Variants in SIK3 observed in about 807,000 individuals in gnomAD.
SIK3 encodes the protein SIK family kinase 3.
A neutral mutation model predicts 144.2 loss-of-function variants in SIK3; 28 were observed. The observed-to-expected ratio is 0.19, with a 90% CI of 0.14 to 0.27. SIK3 has a LOEUF of 0.27. Ranked by LOEUF, SIK3 falls within the 10% of genes least tolerant of loss-of-function variation. SIK3 has a pLI of 1.00. For synonymous variants in SIK3, 686 were observed against 676.3 expected (o/e 1.01, Z -0.22); for missense variants, 1,319 against 1,776.0 (o/e 0.74, Z 4.62).
intron 1 of SIK3, among the ~76,000 whole-genome samples, chr11:117,029,595 G>A (rs1431733866): frequency 1.3e-5 from 2 of 152,124 alleles, no homozygotes; most frequent in Non-Finnish European, 2.9e-5. Flanking sequence ...CTAAATTAAG[G>A]CAGTGGAAAG....
At position 116,846,976 on chromosome 11, in the gene SIK3, G is replaced by A. The variant is rs1224969880; in HGVS notation, c.3953-423C>T. Among the ~76,000 whole-genome samples, 3 of 152,154 alleles carry A rather than the reference G, an allele frequency of 2.0e-5. No individual in the cohort carries two copies. Among genetic ancestry groups the A allele is most frequent in the African/African-American group, 4.8e-5 (2 of 41,422 alleles). On this transcript the variant is annotated intron_variant, in intron 23 of 24. Coordinates refer to ENST00000445177, the MANE Select transcript of SIK3 (RefSeq NM_001366686.3). The surrounding 1 kb of genome is among the most constrained non-coding windows in gnomAD (Gnocchi z 4.1). ...TACTCACTAAGCCAGCCAGCCCTCA[G>A]GGCACAATGTAGGATAAAGGCTCTA...
At chr11:116,882,167 G>A (rs1000474301) in intron 6 of SIK3, among the ~76,000 whole-genome samples, 13 of 152,104 alleles carry the variant, frequency 8.5e-5, no homozygotes, top group Admixed American at 7.2e-4. Flanking sequence ...AATAGATGGT[G>A]CAAAGACCAA....
intron 1 of SIK3, among the ~76,000 whole-genome samples, chr11:116,979,618 G>A (rs1950071506): frequency 6.6e-6 from 1 of 152,142 alleles, no homozygotes; most frequent in Non-Finnish European, 1.5e-5. Flanking sequence ...AGGCCAAGGT[G>A]GGCAGATCAC....
chr11:117,003,214 C>T (rs1950919653), intron 1 of SIK3, among the ~76,000 whole-genome samples: 2 of 152,224 alleles, frequency 1.3e-5, no homozygotes, highest in Admixed American at 6.5e-5. Context: ...CAGATCTACA[C>T]TACTCAGAAT....
chr11:116,905,779 A>AT (rs1945998810), intron 4 of SIK3, among the ~76,000 whole-genome samples: 1 of 152,200 alleles, frequency 6.6e-6, no homozygotes, highest in African/African-American at 2.4e-5. Context: ...AGAAATGTCT[A>AT]TTCAAATCTT....
intron 4 of SIK3, among the ~76,000 whole-genome samples, chr11:116,905,243 T>C (rs1355379236): frequency 2.0e-5 from 3 of 152,268 alleles, no homozygotes; most frequent in African/African-American, 7.2e-5. Context: ...TCACTGAGCA[T>C]AATATTTTGG....
intron 1 of SIK3, among the ~76,000 whole-genome samples, chr11:117,066,979 C>T (rs148021642): frequency 1.8e-3 from 275 of 152,278 alleles, no homozygotes; most frequent in African/African-American, 6.4e-3. Context: ...GATACCATGA[C>T]ACAACTATTG....
Position 116,892,804 on chromosome 11 carries a change from T to G in SIK3, c.865+3449A>C, listed in dbSNP as rs150167826. 1.5e-3 allele frequency among the ~76,000 whole-genome samples: 233 copies of G among 152,294 alleles called. 2 individuals carry two copies. The highest frequency in any genetic ancestry group is 5.3e-3 in the African/African-American group (220 of 41,564). ...TAGCTTTATTCATAATTGTCAAAAT[T>G]TGGAAGCAACCAAGTCATCCGTAGG... On this transcript the variant is annotated intron_variant, in intron 6 of 24. Transcript: ENST00000445177.
chr11:117,057,586 T>C (rs75582303), intron 1 of SIK3, among the ~76,000 whole-genome samples: 3,747 of 152,298 alleles, frequency 0.025, 86 homozygotes, highest in South Asian at 0.11. Flanking sequence ...GTATGATTTC[T>C]GACCTCGAGG....
intron 12 of SIK3, 126 bp downstream of exon 12, chr11:116,873,777 C>A: frequency 6.8e-7 from 1 of 1,474,364 alleles, no homozygotes; most frequent in Admixed American, 2.3e-5. Flanking sequence ...ACCCGAGCTA[C>A]TTTGCAAGAT....
intron 1 of SIK3, among the ~76,000 whole-genome samples, chr11:116,962,963 C>T (rs493134): frequency 0.85 from 129,210 of 152,156 alleles, 55,495 homozygotes; most frequent in Non-Finnish European, 0.89. Context: ...GGCACTGATC[C>T]ACATAATGCC....
chr11:117,011,364 A>G (rs1378988843), intron 1 of SIK3, among the ~76,000 whole-genome samples: 3 of 152,188 alleles, frequency 2.0e-5, no homozygotes, highest in African/African-American at 7.2e-5. Context: ...GCACGTACAT[A>G]TGAGTATGAG....
At chr11:116,999,380 A>G (rs1242732126) in intron 1 of SIK3, among the ~76,000 whole-genome samples, 1 of 152,166 alleles carries the variant, frequency 6.6e-6, no homozygotes, top group Non-Finnish European at 1.5e-5. Context: ...CTCAACTTCA[A>G]TTCTTTCTAA....
intron 6 of SIK3, among the ~76,000 whole-genome samples, chr11:116,893,460 T>C (rs1591248844): frequency 6.6e-6 from 1 of 152,014 alleles, no homozygotes; most frequent in African/African-American, 2.4e-5. Flanking sequence ...GCAGATCGCC[T>C]GAACTCAAGA....
chr11:117,009,566 A>G (rs538437583), intron 1 of SIK3, among the ~76,000 whole-genome samples: 1 of 151,954 alleles, frequency 6.6e-6, no homozygotes, highest in East Asian at 1.9e-4. Flanking sequence ...AAAAAAAAAC[A>G]AAAAACAAAA....
At chr11:117,021,330 T>C (rs1951753546) in intron 1 of SIK3, among the ~76,000 whole-genome samples, 1 of 151,322 alleles carries the variant, frequency 6.6e-6, no homozygotes, top group Non-Finnish European at 1.5e-5. Context: ...GGGGAAGGAG[T>C]GGTGCTTATC....
At chr11:116,928,810 T>C (rs1947428910) in intron 3 of SIK3, among the ~76,000 whole-genome samples, 2 of 152,158 alleles carry the variant, frequency 1.3e-5, no homozygotes, top group Admixed American at 1.3e-4. Flanking sequence ...ATATAAATCA[T>C]TAAGAAAGAT....
At chr11:116,976,324 A>C (rs576361081) in intron 1 of SIK3, among the ~76,000 whole-genome samples, 1 of 152,220 alleles carries the variant, frequency 6.6e-6, no homozygotes, top group African/African-American at 2.4e-5. Context: ...TCTTCTCTTC[A>C]TAAATGTGAG....
intron 4 of SIK3, among the ~76,000 whole-genome samples, chr11:116,907,974 T>C (rs1946133258): frequency 7.4e-6 from 1 of 134,972 alleles, no homozygotes; most frequent in Admixed American, 7.8e-5. Flanking sequence ...GGTAAAACTA[T>C]CACGTTTTTA....
Sources: allele counts gnomAD v4.1 joint callset (sites outside exome capture counted in the v4.1 genomes callset), GRCh38; gene constraint gnomAD v4.1.1; non-coding constraint Gnocchi (gnomAD v3.1); transcripts MANE v1.5; gene names NCBI Gene and HGNC (gene_info 2026-07-23, HGNC 2026-07-21).